CERS5: variants seen among roughly 807,000 people sequenced by gnomAD.
CERS5 encodes LAG1 homolog, ceramide synthase 5.
Under a neutral mutation model 58.9 loss-of-function variants are expected in CERS5, and 37 were observed. The ratio of observed to expected loss-of-function variants is 0.63; its 90% CI spans 0.48 to 0.83. CERS5 has a LOEUF of 0.83. Among genes scored for constraint, CERS5 ranks in the 40% least tolerant of loss-of-function variants. CERS5 has a pLI of 0.00. For missense variants in CERS5, 398 were observed against 489.3 expected, an observed-to-expected ratio of 0.81 and a Z score of 1.76; for synonymous variants, 147 against 177.8, an observed-to-expected ratio of 0.83 and a Z score of 1.38.
At chr12:50,166,952 C>T in intron 1 of CERS5, 149 bp downstream of exon 1, 1 of 648,282 alleles carries the variant, frequency 1.5e-6, no homozygotes, top group Non-Finnish European at 2.6e-6. Flanking sequence ...CTCGCCCACG[C>T]GCCTAGCATC....
At chr12:50,160,320 A>G (rs1196637721) in intron 1 of CERS5, among the ~76,000 whole-genome samples, 27 of 143,634 alleles carry the variant, frequency 1.9e-4, no homozygotes, top group African/African-American at 7.0e-4. Flanking sequence ...AAAAAAAAAG[A>G]AAAAAAAAAG....
At chr12:50,141,730 G>A (rs953196155) in intron 4 of CERS5, among the ~76,000 whole-genome samples, 1 of 151,848 alleles carries the variant, frequency 6.6e-6, no homozygotes, top group South Asian at 2.1e-4. Flanking sequence ...CCTGAGGTCA[G>A]GAGTTCAAGA....
At chr12:50,149,986 GC>G (rs1937770141) in intron 1 of CERS5, among the ~76,000 whole-genome samples, 1 of 152,150 alleles carries the variant, frequency 6.6e-6, no homozygotes, top group Non-Finnish European at 1.5e-5. Context: ...CAAGTGATCT[GC>G]CTGCCTCGCC....
intron 1 of CERS5, among the ~76,000 whole-genome samples, chr12:50,160,421 G>A (rs1939153138): frequency 6.6e-6 from 1 of 152,084 alleles, no homozygotes; most frequent in Non-Finnish European, 1.5e-5. Flanking sequence ...GAATGAGTCT[G>A]TTCAATCCCC....
At chr12:50,156,438 A>ATATATATATATATATATATATATATAT (rs1555198356) in intron 1 of CERS5, among the ~76,000 whole-genome samples, 66 of 123,274 alleles carry the variant, frequency 5.4e-4, no homozygotes, top group Non-Finnish European at 7.1e-4. Context: ...ATATATATAT[A>ATATATATATATATATATATATATATAT]AAACAATTAG....
chr12:50,141,849 G>A (rs1592363710), intron 4 of CERS5, among the ~76,000 whole-genome samples: 1 of 143,010 alleles, frequency 7.0e-6, no homozygotes, highest in South Asian at 2.2e-4. Flanking sequence ...TGAGGCAAGA[G>A]AATCTCTTGA....
In CERS5 at chr12:50,146,846, C is replaced by CAA. The variant is rs10714679; in HGVS notation, c.198-2791_198-2790dup. 1.4e-3 allele frequency among the ~76,000 whole-genome samples: 143 copies of CAA among 104,852 alleles called. 3 individuals are homozygous for CAA. Among genetic ancestry groups the CAA allele is most frequent in the South Asian group, 6.9e-3 (23 of 3,326 alleles). The allele number at this position is 104,852 out of a possible 152,430, so 68.8% of individuals were successfully genotyped here. On this transcript the variant is annotated intron_variant, in intron 1 of 9. Transcript: ENST00000317551. ...TGGGCGACAAAGTGAGACTCCGTCT[C>CAA]AAAAAAAAAAAAAAAAAAAGAACAT... is the stretch of plus-strand genomic sequence containing the variant.
intron 1 of CERS5, among the ~76,000 whole-genome samples, chr12:50,149,442 T>C (rs532103916): frequency 3.9e-5 from 6 of 152,320 alleles, no homozygotes; most frequent in Admixed American, 3.3e-4. Flanking sequence ...TAAGCCTGGG[T>C]TAATTAGGAT....
intron 9 of CERS5, 114 bp from the exon 10 acceptor site, chr12:50,130,808 T>C (rs1008792220): frequency 1.1e-6 from 1 of 884,792 alleles, no homozygotes. Context: ...TCTGATGACA[T>C]CTAACTCAAA....
Position 50,143,157 on chromosome 12 carries a change from C to G in CERS5, c.351G>C (p.Trp117Cys), listed in dbSNP as rs757214859. 6.2e-7 allele frequency: 1 copy of G among 1,614,126 alleles called. No individual in the cohort carries two copies. Among genetic ancestry groups the G allele is most frequent in the South Asian group, 1.1e-5 (1 of 91,084 alleles). Reference protein sequence around the residue: ...RLEGLSKQLDWNVRKIQCWFR... With the variant: ...RLEGLSKQLDCNVRKIQCWFR... Reference sequence around the variant, plus strand: ...ACCAGCATTGGATTTTTCGGACATTCCAATCCAGCTGCTTTGACAGGCCCT... The same window carrying G: ...ACCAGCATTGGATTTTTCGGACATTGCAATCCAGCTGCTTTGACAGGCCCT... Residue 117 changes from tryptophan (W) to cysteine (C), a missense_variant, in exon 3 of 10, where the codon TGG becomes TGC. Trp to Cys is a radical substitution (Grantham distance 215). Coordinates refer to ENST00000317551, the MANE Select transcript of CERS5 (RefSeq NM_147190.5).
chr12:50,134,347 C>T (rs1415943185), intron 9 of CERS5, 199 bp downstream of exon 9: 4 of 1,409,720 alleles, frequency 2.8e-6, no homozygotes, highest in Non-Finnish European at 3.8e-6. Flanking sequence ...GAACTCCAGC[C>T]TGGGTGACAG....
intron 9 of CERS5, chr12:50,133,368 C>T (rs561702565): frequency 3.8e-5 from 40 of 1,050,986 alleles, no homozygotes; most frequent in African/African-American, 1.6e-4. Context: ...ACCTTTCTTT[C>T]GCTCTTGGCA....
At position 50,130,640 on chromosome 12, in the gene CERS5, T is replaced by C; in HGVS notation, c.1084A>G (p.Thr362Ala). Residue 362 changes from threonine to alanine, a missense_variant, in exon 10 of 10, where the codon ACC (threonine) becomes GCC (alanine). Physicochemically the swap from Thr to Ala is moderately conservative, Grantham distance 58. Coordinates refer to ENST00000317551, the MANE Select transcript of CERS5 (RefSeq NM_147190.5). ...VESSSEEEDVTTCTKSPCDSS... is the reference protein window; with the variant it reads ...VESSSEEEDVATCTKSPCDSS... ...TCACAGGGACTTTTTGTGCAGGTGG[T>C]CACATCTTCTTCCTCTGAGCTGCTC... 6.2e-7 allele frequency: 1 copy of C among 1,612,324 alleles called. No homozygotes were observed.
intron 1 of CERS5, among the ~76,000 whole-genome samples, chr12:50,157,862 G>A (rs1207843510): frequency 6.6e-6 from 1 of 152,014 alleles, no homozygotes; most frequent in Non-Finnish European, 1.5e-5. Flanking sequence ...TTGAGCTCAG[G>A]AGTTCAAGAC....
chr12:50,157,035 A>T lies in CERS5; in HGVS notation c.197+10066T>A, dbSNP rs552524519. Among the ~76,000 whole-genome samples, 3 of 152,346 alleles carry T rather than the reference A, an allele frequency of 2.0e-5. No homozygotes were observed. The South Asian group carries it at 6.2e-4, about 32-fold the overall frequency. The stretch of plus-strand genomic sequence containing the variant: ...GGCTGGGAAAGGCAGAGCCACCCTT[A>T]ATCTGGGTGGGCACCATCTAATCAG... On this transcript the variant is annotated intron_variant, in intron 1 of 9. Transcript: ENST00000317551.
At position 50,144,067 on chromosome 12, in the gene CERS5, A is replaced by G. The variant is rs764986411; in HGVS notation, c.198-10T>C. Reference sequence around the variant, plus strand: ...GGGTTTGGCAATAAATCTGTAATGGAGAAAACCCACGGGCCAATTCTTTTT... The same window carrying G: ...GGGTTTGGCAATAAATCTGTAATGGGGAAAACCCACGGGCCAATTCTTTTT... On this transcript the variant is annotated splice_polypyrimidine_tract_variant and intron_variant, in intron 1 of 9. Transcript: ENST00000317551. 5.5e-5 allele frequency: 85 copies of G among 1,532,792 alleles called. No individual in the cohort carries two copies. Among genetic ancestry groups the G allele is most frequent in the Admixed American group, 3.7e-4 (22 of 59,648 alleles). The allele number at this position is 1,532,792 out of a possible 1,614,324, so 94.9% of individuals were successfully genotyped here.
intron 1 of CERS5, among the ~76,000 whole-genome samples, chr12:50,161,622 T>G (rs1939270012): frequency 6.6e-6 from 1 of 151,366 alleles, no homozygotes; most frequent in Non-Finnish European, 1.5e-5. Flanking sequence ...ACTAAAAATA[T>G]GAAAATTAGC....
intron 1 of CERS5, among the ~76,000 whole-genome samples, chr12:50,156,906 G>A (rs1024210171): frequency 2.0e-5 from 3 of 152,140 alleles, no homozygotes; most frequent in African/African-American, 7.2e-5. Flanking sequence ...TAATTGTGAT[G>A]GTTAATACTG....
intron 1 of CERS5, chr12:50,144,292 G>C (rs925734617): frequency 4.5e-6 from 2 of 445,354 alleles, no homozygotes; most frequent in East Asian, 7.9e-5. Flanking sequence ...TACAGGCGTG[G>C]GCCACTGTGC....
Sources: allele counts gnomAD v4.1 joint callset (sites outside exome capture counted in the v4.1 genomes callset), GRCh38; gene constraint gnomAD v4.1.1; transcripts MANE v1.5; gene names NCBI Gene and HGNC (gene_info 2026-07-23, HGNC 2026-07-21).